Variants in KCNQ3 observed in about 807,000 individuals in gnomAD.
KCNQ3 encodes potassium voltage-gated channel subfamily Q member 3, also known as potassium voltage-gated channel subfamily KQT member 3.
A neutral mutation model predicts 92.5 loss-of-function variants in KCNQ3; 30 were observed. The ratio of observed to expected loss-of-function variants is 0.32; its 90% CI spans 0.24 to 0.44. KCNQ3 has a LOEUF of 0.44. Ranked by LOEUF, KCNQ3 falls within the 20% of genes least tolerant of loss-of-function variation. The probability of loss-of-function intolerance (pLI) is 1.00; values close to 1 mark genes in which losing one functional copy is unlikely to be tolerated. For missense variants in KCNQ3, 913 were observed against 1,140.3 expected, an observed-to-expected ratio of 0.80 and a Z score of 2.87; for synonymous variants, 450 against 468.8, an observed-to-expected ratio of 0.96 and a Z score of 0.52.
At chr8:132,341,302 G>A (rs1374438064) in intron 1 of KCNQ3, among the ~76,000 whole-genome samples, 1 of 152,194 alleles carries the variant, frequency 6.6e-6, no homozygotes, top group Non-Finnish European at 1.5e-5. Context: ...TGTTCAATCT[G>A]TTTCAACCTT....
chr8:132,378,672 G>T (rs971771892), intron 1 of KCNQ3, among the ~76,000 whole-genome samples: 1 of 152,116 alleles, frequency 6.6e-6, no homozygotes, highest in Non-Finnish European at 1.5e-5. Flanking sequence ...TTTAAATGAG[G>T]TCCCTTCTGT....
intron 1 of KCNQ3, among the ~76,000 whole-genome samples, chr8:132,203,043 G>A (rs1195913793): frequency 6.6e-6 from 1 of 152,190 alleles, no homozygotes; most frequent in African/African-American, 2.4e-5. Flanking sequence ...GGCCTCCTGT[G>A]AGGGTCTTTT....
Position 132,480,874 on chromosome 8 carries a change from GGGC to G in KCNQ3, c.-345_-343del, listed in dbSNP as rs963622181. ...GCGGGAGCCTGGAACCGGCGCTCCGGGGCGGCGGCGGCGGCGGCGGCACCCAGG... is the reference window on the plus strand; with the variant it reads ...GCGGGAGCCTGGAACCGGCGCTCCGGGGCGGCGGCGGCGGCGGCACCCAGG... On this transcript the variant is annotated 5_prime_UTR_variant, in exon 1 of 15. Coordinates refer to ENST00000388996, the MANE Select transcript of KCNQ3 (RefSeq NM_004519.4). 86 of 154,532 alleles carry G rather than the reference GGGC, an allele frequency of 5.6e-4. No individual in the cohort carries two copies. Among genetic ancestry groups the G allele is most frequent in the East Asian group, 1.3e-3 (7 of 5,236 alleles). 9.6% of individuals were successfully genotyped at this position (154,532 alleles called of 1,614,324 possible). A position where few individuals can be genotyped will look rare whatever the true frequency, so the allele number is the denominator to read the frequency against.
At chr8:132,424,627 G>C (rs998459569) in intron 1 of KCNQ3, among the ~76,000 whole-genome samples, 7 of 152,160 alleles carry the variant, frequency 4.6e-5, no homozygotes, top group Admixed American at 1.3e-4. Flanking sequence ...ACACAGACTT[G>C]GTGGCTTCAA....
intron 9 of KCNQ3, among the ~76,000 whole-genome samples, chr8:132,151,851 G>A (rs1265144421): frequency 1.3e-5 from 2 of 152,278 alleles, no homozygotes; most frequent in East Asian, 3.9e-4. Context: ...ACATGTTTAC[G>A]TACATGGGAT....
At chr8:132,189,034 T>C (rs2130203479) in intron 1 of KCNQ3, among the ~76,000 whole-genome samples, 1 of 152,296 alleles carries the variant, frequency 6.6e-6, no homozygotes, top group South Asian at 2.1e-4. Flanking sequence ...ATGTGGGCCT[T>C]TTATGATCTA....
chr8:132,454,221 T>C (rs1238641280), intron 1 of KCNQ3, among the ~76,000 whole-genome samples: 1 of 152,132 alleles, frequency 6.6e-6, no homozygotes, highest in Non-Finnish European at 1.5e-5. Context: ...AGAGAAAGCA[T>C]GGGCCTGTCC....
intron 1 of KCNQ3, among the ~76,000 whole-genome samples, chr8:132,286,983 A>G (rs1038271635): frequency 2.6e-5 from 4 of 152,162 alleles, no homozygotes; most frequent in Non-Finnish European, 4.4e-5. Context: ...CCCTTGTCAG[A>G]TATAGCAGCC....
At chr8:132,303,565 G>GATATAT (rs781058299) in intron 1 of KCNQ3, among the ~76,000 whole-genome samples, 3,219 of 42,550 alleles carry the variant, frequency 0.076, 993 homozygotes, top group African/African-American at 0.28. Flanking sequence ...AAGAAAATGT[G>GATATAT]ATATATATAT....
At chr8:132,208,080 GC>G (rs1201012245) in intron 1 of KCNQ3, among the ~76,000 whole-genome samples, 1 of 152,018 alleles carries the variant, frequency 6.6e-6, no homozygotes, top group Non-Finnish European at 1.5e-5. Flanking sequence ...ATCTCTAAAT[GC>G]TCCTGGATTT....
At chr8:132,208,668 C>T (rs1160693888) in intron 1 of KCNQ3, among the ~76,000 whole-genome samples, 1 of 152,144 alleles carries the variant, frequency 6.6e-6, no homozygotes, top group African/African-American at 2.4e-5. Flanking sequence ...TTGCCACCAA[C>T]TTCCTGGGCG....
intron 1 of KCNQ3, among the ~76,000 whole-genome samples, chr8:132,188,965 G>A (rs1230381557): frequency 2.0e-5 from 3 of 152,186 alleles, no homozygotes; most frequent in African/African-American, 4.8e-5. Flanking sequence ...ACATGTACAC[G>A]TGCAGGAGGT....
rs1165980000 is a variant in KCNQ3, at chr8:132,129,591, C to G, written c.2290G>C (p.Ala764Pro). ...TCCGAGTAGGGGCCCTGCAGGTCAG[C>G]CTGGGAGTGGCAGCTCACTCGGGAG... ...LDSRVSCHSQ[A>P]DLQGPYSDRI... The change falls in exon 15 of 15, where the codon GCT becomes CCT. Residue 764 changes from alanine to proline, a missense_variant. Physicochemically the swap from Ala to Pro is conservative, Grantham distance 27 (BLOSUM62 -1). Around this residue, in one of 6 missense-constraint regions of KCNQ3, gnomAD observed 375 missense variants for 376.4 expected, o/e 1.00. Coordinates refer to ENST00000388996, the MANE Select transcript of KCNQ3 (RefSeq NM_004519.4). The surrounding 1 kb of genome is among the most constrained non-coding windows in gnomAD (Gnocchi z 5.9). 2.5e-6 allele frequency: 4 copies of G among 1,614,182 alleles called. No individual in the cohort carries two copies. Among genetic ancestry groups the G allele is most frequent in the Non-Finnish European group, 3.4e-6 (4 of 1,180,032 alleles).
chr8:132,285,197 G>C (rs1049312762), intron 1 of KCNQ3, among the ~76,000 whole-genome samples: 2 of 152,168 alleles, frequency 1.3e-5, no homozygotes, highest in African/African-American at 4.8e-5. Context: ...GGAATAGCAG[G>C]CTGGAAAAAA....
chr8:132,346,972 G>A (rs900313856), intron 1 of KCNQ3, among the ~76,000 whole-genome samples: 2 of 152,194 alleles, frequency 1.3e-5, no homozygotes, highest in Non-Finnish European at 2.9e-5. Flanking sequence ...GGGCCCTGAT[G>A]TTGTTTCGAC....
intron 3 of KCNQ3, among the ~76,000 whole-genome samples, chr8:132,180,627 C>T (rs1826728245): frequency 6.6e-6 from 1 of 152,094 alleles, no homozygotes; most frequent in African/African-American, 2.4e-5. Flanking sequence ...TACCAAGGCC[C>T]CCCGCAGTGT....
chr8:132,210,976 C>A (rs974968976), intron 1 of KCNQ3, among the ~76,000 whole-genome samples: 2 of 152,328 alleles, frequency 1.3e-5, no homozygotes, highest in South Asian at 4.1e-4. Flanking sequence ...ACAGAAGTCA[C>A]TTTTGCATAC....
At position 132,303,585 on chromosome 8, in the gene KCNQ3, GTGTGTATATATATATGGTGTGTATATATA is replaced by G. The variant is rs1817299279; in HGVS notation, c.387-117433_387-117405del. ...AATGTGATATATATATATATGGTGT[GTGTGTATATATATATGGTGTGTATATATA>G]TATATATATATATATATGGTGTATA... On this transcript the variant is annotated intron_variant, in intron 1 of 14. Transcript: ENST00000388996. Among the ~76,000 whole-genome samples, 3 of 22,400 alleles carry G rather than the reference GTGTGTATATATATATGGTGTGTATATATA, an allele frequency of 1.3e-4. 1 individual carries two copies. The highest frequency in any genetic ancestry group is 1.6e-4 in the Non-Finnish European group (2 of 12,542). 14.7% of individuals were successfully genotyped at this position (22,400 alleles called of 152,430 possible).
At chr8:132,383,972 A>C (rs970432068) in intron 1 of KCNQ3, among the ~76,000 whole-genome samples, 6 of 152,182 alleles carry the variant, frequency 3.9e-5, no homozygotes, top group Non-Finnish European at 7.3e-5. Context: ...GTTAAGTCTT[A>C]GCTACAATTT....
Sources: allele counts gnomAD v4.1 joint callset (sites outside exome capture counted in the v4.1 genomes callset), GRCh38; gene constraint gnomAD v4.1.1; regional missense constraint gnomAD v4.1.1; non-coding constraint Gnocchi (gnomAD v3.1); transcripts MANE v1.5; gene names NCBI Gene and HGNC (gene_info 2026-07-23, HGNC 2026-07-21).